Variants in CHM observed in about 807,000 individuals in gnomAD.
The protein encoded by CHM is rab proteins geranylgeranyltransferase component A 1.
A neutral mutation model predicts 49.0 loss-of-function variants in CHM; 10 were observed. The ratio of observed to expected loss-of-function variants is 0.20; its 90% CI spans 0.13 to 0.35. The LOEUF is 0.35. Ranked by LOEUF, CHM falls within the 10% of genes least tolerant of loss-of-function variation. The pLI, the probability that CHM is intolerant of heterozygous loss-of-function variation, is 1.00. For synonymous variants in CHM, 184 were observed against 167.5 expected, an observed-to-expected ratio of 1.10 and a Z score of -0.76; for missense variants, 455 against 478.4, an observed-to-expected ratio of 0.95 and a Z score of 0.46.
At chrX:86,028,003 C>A (rs1933902554) in intron 1 of CHM, among the ~76,000 whole-genome samples, 1 of 111,839 alleles carries the variant, frequency 8.9e-6, no homozygotes, top group Non-Finnish European at 1.9e-5. Flanking sequence ...CCTTGTGATC[C>A]GCCCACCTCG....
At chrX:85,872,986 A>G (rs1270159420) in intron 14 of CHM, 66 bp downstream of exon 14, 4 of 1,069,789 alleles carry the variant, frequency 3.7e-6, no homozygotes, top group South Asian at 3.9e-5. Context: ...CTCCTCCCAG[A>G]GGAAAAAATA....
intron 2 of CHM, among the ~76,000 whole-genome samples, chrX:85,999,429 T>C (rs1257989872): frequency 9.0e-6 from 1 of 111,323 alleles, no homozygotes; most frequent in Non-Finnish European, 1.9e-5. Context: ...ATTGTTAGCA[T>C]ATATATGAAG....
intron 2 of CHM, among the ~76,000 whole-genome samples, chrX:86,008,223 C>T (rs921608075): frequency 6.3e-5 from 7 of 111,374 alleles, no homozygotes; most frequent in African/African-American, 9.8e-5. Context: ...CACTTGGACA[C>T]AGGGCGAGGA....
At chrX:85,944,949 C>T (rs1929319827) in intron 8 of CHM, among the ~76,000 whole-genome samples, 1 of 111,788 alleles carries the variant, frequency 8.9e-6, no homozygotes, top group African/African-American at 3.3e-5. Context: ...ACTATGCAGC[C>T]ATAAAAAGGA....
chrX:85,997,253 C>T (rs772372563), intron 2 of CHM, among the ~76,000 whole-genome samples: 1 of 111,348 alleles, frequency 9.0e-6, no homozygotes, highest in East Asian at 2.8e-4. Context: ...TAGTACTCCC[C>T]TTTTGCCTTT....
chrX:85,990,677 T>C (rs1285099742), intron 2 of CHM, among the ~76,000 whole-genome samples: 1 of 111,648 alleles, frequency 9.0e-6, no homozygotes, highest in Non-Finnish European at 1.9e-5. Flanking sequence ...CTTCATATGG[T>C]GTTTAATGTT....
chrX:85,936,796 A>T (rs537248784), intron 8 of CHM, among the ~76,000 whole-genome samples: 2 of 112,132 alleles, frequency 1.8e-5, no homozygotes, highest in Admixed American at 1.9e-4. Flanking sequence ...GTAAAGCCTT[A>T]GATCTGGCTG....
chrX:86,047,512 C>G lies in CHM; in HGVS notation c.21G>C (p.Ser7=). The G allele has an allele frequency of 3.3e-6, 4 of 1,208,396 alleles. No individual in the cohort carries two copies. Among genetic ancestry groups the G allele is most frequent in the Non-Finnish European group, 4.5e-6 (4 of 893,478 alleles). The part of the protein sequence containing the change: MADTLP[S]EFDVIVIGTG... ...TCCCTATTACGATCACATCAAACTC[C>G]GAAGGGAGAGTATCCGCCATCTTGA... Residue 7 remains serine, a synonymous_variant, in exon 1 of 15, where the codon TCG becomes TCC. Coordinates refer to ENST00000357749, the MANE Select transcript of CHM (RefSeq NM_000390.4).
intron 4 of CHM, among the ~76,000 whole-genome samples, chrX:85,973,537 A>G (rs764728112): frequency 8.1e-5 from 9 of 110,860 alleles, no homozygotes; most frequent in Non-Finnish European, 1.7e-4. Flanking sequence ...CAATGATTCA[A>G]GTTTGACTTA....
rs1923565249 is a variant in CHM at position 85,864,477 on chromosome X, T to C, written c.*153A>G. 4 of 507,228 alleles carry C rather than the reference T, an allele frequency of 7.9e-6. No individual in the cohort carries two copies. The highest frequency in any genetic ancestry group is 1.4e-5 in the Non-Finnish European group (4 of 288,437). The allele number at this position is 507,228 out of a possible 1,213,427, so 41.8% of individuals were successfully genotyped here. A position where few individuals can be genotyped will look rare whatever the true frequency, so the allele number is the denominator to read the frequency against. ...AGTGTTGTGTGTTCTTGGAATGTCC[T>C]CTATAAGGAAAATCCCCTTTTGGAT... On this transcript the variant is annotated 3_prime_UTR_variant, in exon 15 of 15. Coordinates refer to ENST00000357749, the MANE Select transcript of CHM (RefSeq NM_000390.4).
chrX:86,015,132 A>G (rs1933239274), intron 2 of CHM, among the ~76,000 whole-genome samples: 1 of 110,722 alleles, frequency 9.0e-6, no homozygotes, highest in Non-Finnish European at 1.9e-5. Context: ...CAGTGTCCCC[A>G]CTCAAATCTC....
intron 3 of CHM, among the ~76,000 whole-genome samples, chrX:85,981,206 C>CTATATATATATATATATATA (rs1284378299): frequency 0.012 from 651 of 54,276 alleles, 26 homozygotes; most frequent in African/African-American, 0.037. Context: ...ATTTCTATTT[C>CTATATATATATATATATATA]TATATATATA....
chrX:85,952,855 AG>A (rs1466495856), intron 8 of CHM, among the ~76,000 whole-genome samples: 2 of 112,910 alleles, frequency 1.8e-5, no homozygotes, highest in African/African-American at 6.4e-5. Context: ...GGTAAGGCCC[AG>A]GCCTGGAAGC....
chrX:85,996,428 C>T (rs1932443853), intron 2 of CHM, among the ~76,000 whole-genome samples: 1 of 111,254 alleles, frequency 9.0e-6, no homozygotes, highest in Non-Finnish European at 1.9e-5. Context: ...CTTTTTCAAG[C>T]CACAAAAATC....
chrX:85,972,721 G>C (rs1931013751), intron 4 of CHM, among the ~76,000 whole-genome samples: 1 of 112,347 alleles, frequency 8.9e-6, no homozygotes, highest in Admixed American at 9.3e-5. Context: ...CGCAGCCCCA[G>C]TTCCCGCTCG....
intron 9 of CHM, among the ~76,000 whole-genome samples, chrX:85,908,692 T>C (rs951421327): frequency 3.6e-5 from 4 of 111,007 alleles, no homozygotes; most frequent in African/African-American, 1.3e-4. Flanking sequence ...TCCAAAATCA[T>C]TGCATTCTGA....
intron 12 of CHM, among the ~76,000 whole-genome samples, chrX:85,892,837 C>T (rs1228631314): frequency 3.6e-5 from 4 of 111,742 alleles, no homozygotes; most frequent in South Asian, 7.5e-4. Context: ...CTTGTGACTA[C>T]GCAAAACCAT....
In CHM at chrX:86,020,536, T is replaced by A. The variant is rs749469924; in HGVS notation, c.116+6955A>T. ...TATACATAGCAAATATTACTATATA[T>A]ATTGCAAACATTACAAAATATACAT... On this transcript the variant is annotated intron_variant, in intron 2 of 14. Coordinates refer to ENST00000357749, the MANE Select transcript of CHM (RefSeq NM_000390.4). Among the ~76,000 whole-genome samples the A allele has an allele frequency of 1.4e-4, 15 of 107,173 alleles. No individual in the cohort carries two copies. In the South Asian group the frequency reaches 4.7e-3, roughly 33 times the overall value. The allele number at this position is 107,173 out of a possible 115,157, so 93.1% of individuals were successfully genotyped here.
chrX:85,903,657 T>A (rs372313281), intron 9 of CHM: 21 of 383,699 alleles, frequency 5.5e-5, no homozygotes, highest in Non-Finnish European at 9.9e-5. Flanking sequence ...GAATCACACC[T>A]GGGGGACTTT....
Sources: gnomAD v4.1 joint callset for allele counts (sites outside exome capture counted in the v4.1 genomes callset) on GRCh38, gnomAD v4.1.1 for gene constraint, MANE v1.5 for transcripts, NCBI Gene and HGNC (gene_info 2026-07-23, HGNC 2026-07-21) for gene names.